NEGR1: variants seen among roughly 807,000 people sequenced by gnomAD.
NEGR1 encodes the protein neuronal growth regulator 1.
NEGR1 carries 10 observed loss-of-function variants against 40.9 expected under a neutral mutation model. That is an observed-to-expected ratio of 0.24 (90% CI 0.15 to 0.42). The LOEUF is 0.42. Among genes scored for constraint, NEGR1 ranks in the 10% least tolerant of loss-of-function variants. NEGR1 has a pLI of 1.00. For synonymous variants in NEGR1, 185 were observed against 166.8 expected (o/e 1.11, Z -0.84); for missense variants, 352 against 438.9 (o/e 0.80, Z 1.77).
chr1:71,729,722 A>C (rs1037482285), intron 3 of NEGR1, among the ~76,000 whole-genome samples: 3 of 151,820 alleles, frequency 2.0e-5, no homozygotes, highest in African/African-American at 4.8e-5. Flanking sequence ...GAAAACTCCG[A>C]CTCTGGGGCT....
intron 2 of NEGR1, among the ~76,000 whole-genome samples, chr1:71,785,119 C>T (rs1320404197): frequency 6.6e-6 from 1 of 152,162 alleles, no homozygotes; most frequent in African/African-American, 2.4e-5. Context: ...GTTTCACTTA[C>T]TTGGATAATT....
intron 3 of NEGR1, among the ~76,000 whole-genome samples, chr1:71,772,187 A>T (rs1197691261): frequency 6.6e-6 from 1 of 151,958 alleles, no homozygotes; most frequent in Admixed American, 6.5e-5. Flanking sequence ...ACAACCCACA[A>T]AGGAGAAATA....
Position 71,581,848 on chromosome 1 carries a change from G to A in NEGR1, c.940+10969C>T, listed in dbSNP as rs116250450. ...ATTCCAAGTAGCTGGGATGACAGGT[G>A]TAGACAACCACATTCAGTTAATTTT... On this transcript the variant is annotated intron_variant, in intron 6 of 6. Transcript: ENST00000357731. 2.8e-3 allele frequency among the ~76,000 whole-genome samples: 431 copies of A among 152,068 alleles called. 2 individuals carry two copies. Among genetic ancestry groups the A allele is most frequent in the African/African-American group, 1.0e-2 (415 of 41,502 alleles).
rs1186770051 is a variant in NEGR1, at chr1:72,188,017, C to G, written c.176+94302G>C. 2.0e-5 allele frequency among the ~76,000 whole-genome samples: 3 copies of G among 151,402 alleles called. No individual in the cohort carries two copies. In the East Asian group the frequency reaches 5.8e-4, roughly 29 times the overall value. ...TGCATAAGGAAGAGTTTAATACTCTCACCCATATTCAAATCATTCTAAGGA... is the reference window on the plus strand; with the variant it reads ...TGCATAAGGAAGAGTTTAATACTCTGACCCATATTCAAATCATTCTAAGGA... On this transcript the variant is annotated intron_variant, in intron 1 of 6. Coordinates refer to ENST00000357731, the MANE Select transcript of NEGR1 (RefSeq NM_173808.3).
At chr1:72,093,800 T>C (rs941619821) in intron 1 of NEGR1, among the ~76,000 whole-genome samples, 2 of 152,210 alleles carry the variant, frequency 1.3e-5, no homozygotes, top group Non-Finnish European at 2.9e-5. Context: ...TCTGACTTCT[T>C]AATAAACTTT....
chr1:72,180,173 A>G (rs1483361608), intron 1 of NEGR1, among the ~76,000 whole-genome samples: 2 of 152,060 alleles, frequency 1.3e-5, no homozygotes, highest in Admixed American at 1.3e-4. Flanking sequence ...TACTGGCACA[A>G]AATAGAAACA....
chr1:71,410,217 T>G (rs1038997828), intron 6 of NEGR1, among the ~76,000 whole-genome samples: 1 of 152,120 alleles, frequency 6.6e-6, no homozygotes, highest in Non-Finnish European at 1.5e-5. Flanking sequence ...GGGGGATGAA[T>G]CGTTAGCTTG....
chr1:71,809,020 ATTGAGAAGCATCC>A (rs1266642522), intron 2 of NEGR1, among the ~76,000 whole-genome samples: 1 of 152,154 alleles, frequency 6.6e-6, no homozygotes, highest in Non-Finnish European at 1.5e-5. Flanking sequence ...TTGCATTGTG[ATTGAGAAGCATCC>A]TTTTAAAGAG....
chr1:71,796,702 A>G (rs1289194543), intron 2 of NEGR1, among the ~76,000 whole-genome samples: 4 of 152,142 alleles, frequency 2.6e-5, no homozygotes, highest in Non-Finnish European at 5.9e-5. Context: ...ATCTACAGGT[A>G]TTATGCTCCC....
intron 1 of NEGR1, among the ~76,000 whole-genome samples, chr1:72,234,618 A>T (rs1185836560): frequency 1.3e-5 from 2 of 152,080 alleles, no homozygotes; most frequent in Admixed American, 6.6e-5. Context: ...AACTGGGCAA[A>T]GGCAAAGGAC....
At chr1:72,031,304 G>C (rs1466555631) in intron 1 of NEGR1, among the ~76,000 whole-genome samples, 1 of 152,132 alleles carries the variant, frequency 6.6e-6, no homozygotes, top group Non-Finnish European at 1.5e-5. Context: ...AGATAGGGAG[G>C]AAGTGGATGT....
chr1:71,544,478 C>T (rs533292637), intron 6 of NEGR1, among the ~76,000 whole-genome samples: 50 of 151,726 alleles, frequency 3.3e-4, no homozygotes, highest in African/African-American at 1.2e-3. Flanking sequence ...CTCTGGGCTA[C>T]AGTTTACTAA....
Position 71,928,435 on chromosome 1 carries a change from T to TGTGTATGTATATAC in NEGR1, c.409+6643_409+6644insGTATATACATACAC, listed in dbSNP as rs1557439281. Among the ~76,000 whole-genome samples the TGTGTATGTATATAC allele has an allele frequency of 3.7e-5, 3 of 80,118 alleles. No homozygotes were observed. In the East Asian group the frequency reaches 1.3e-3, roughly 34 times the overall value. The allele number at this position is 80,118 out of a possible 152,430, so 52.6% of individuals were successfully genotyped here. ...GTATATATACACACATATGTATATA[T>TGTGTATGTATATAC]ACACATATATATGTATATATACACA... On this transcript the variant is annotated intron_variant, in intron 2 of 6. Transcript: ENST00000357731.
At chr1:71,711,145 G>A (rs1654068796) in intron 3 of NEGR1, among the ~76,000 whole-genome samples, 1 of 151,356 alleles carries the variant, frequency 6.6e-6, no homozygotes, top group African/African-American at 2.4e-5. Context: ...AGACCATCCT[G>A]GCTAACACGG....
chr1:71,836,280 G>A (rs1250898007), intron 2 of NEGR1, among the ~76,000 whole-genome samples: 1 of 151,562 alleles, frequency 6.6e-6, no homozygotes, highest in Non-Finnish European at 1.5e-5. Context: ...GGTGAAATCT[G>A]GTCTCTACTG....
At chr1:72,219,972 A>C (rs1653955940) in intron 1 of NEGR1, among the ~76,000 whole-genome samples, 1 of 152,044 alleles carries the variant, frequency 6.6e-6, no homozygotes, top group South Asian at 2.1e-4. Flanking sequence ...TTCAGGTAAG[A>C]TCTACCTACT....
chr1:72,079,110 T>A (rs913329615), intron 1 of NEGR1, among the ~76,000 whole-genome samples: 6 of 143,326 alleles, frequency 4.2e-5, no homozygotes, highest in African/African-American at 7.6e-5. Flanking sequence ...TATATATATA[T>A]AATATTATAT....
At chr1:71,532,916 A>G (rs1647398185) in intron 6 of NEGR1, among the ~76,000 whole-genome samples, 1 of 151,638 alleles carries the variant, frequency 6.6e-6, no homozygotes, top group South Asian at 2.1e-4. Context: ...TTCTACAAAA[A>G]GGGAAAAGGA....
intron 2 of NEGR1, among the ~76,000 whole-genome samples, chr1:71,815,774 T>C (rs1658182419): frequency 6.6e-6 from 1 of 152,060 alleles, no homozygotes; most frequent in African/African-American, 2.4e-5. Flanking sequence ...AACAATTCTT[T>C]AGCCAAATGT....
Sources: gnomAD v4.1 joint callset for allele counts (sites outside exome capture counted in the v4.1 genomes callset) on GRCh38, gnomAD v4.1.1 for gene constraint, MANE v1.5 for transcripts, NCBI Gene and HGNC (gene_info 2026-07-23, HGNC 2026-07-21) for gene names.